Variants in MAGI1 observed in about 807,000 individuals in gnomAD.
The protein encoded by MAGI1 is membrane-associated guanylate kinase, WW and PDZ domain-containing protein 1.
In MAGI1, 58 loss-of-function variants were observed where a neutral mutation model predicts 139.9. That is an observed-to-expected ratio of 0.41 (90% confidence interval 0.34 to 0.52). The LOEUF (loss-of-function observed/expected upper bound fraction) is 0.52. Among genes scored for constraint, MAGI1 ranks in the 20% least tolerant of loss-of-function variants. MAGI1 has a pLI of 0.12. For synonymous variants in MAGI1, 812 were observed against 737.9 expected, an observed-to-expected ratio of 1.10 and a Z score of -1.63; for missense variants, 1,874 against 1,901.6, an observed-to-expected ratio of 0.99 and a Z score of 0.27.
At chr3:65,939,226 T>A (rs1035363641) in intron 1 of MAGI1, among the ~76,000 whole-genome samples, 17 of 152,026 alleles carry the variant, frequency 1.1e-4, no homozygotes, top group Admixed American at 1.3e-4. Flanking sequence ...TTCCCTTTTT[T>A]AAAAAAAATG....
intron 5 of MAGI1, among the ~76,000 whole-genome samples, chr3:65,459,811 C>T (rs1949651984): frequency 6.6e-6 from 1 of 152,078 alleles, no homozygotes; most frequent in African/African-American, 2.4e-5. Context: ...GTAGTCCCAG[C>T]TACTTGGGAG....
At chr3:66,008,450 C>A (rs1324117311) in intron 1 of MAGI1, among the ~76,000 whole-genome samples, 1 of 152,192 alleles carries the variant, frequency 6.6e-6, no homozygotes, top group Admixed American at 6.5e-5. Context: ...CATGTAGGCA[C>A]TATACCTGGC....
At chr3:65,969,318 C>T (rs2107167482) in intron 1 of MAGI1, among the ~76,000 whole-genome samples, 1 of 152,300 alleles carries the variant, frequency 6.6e-6, no homozygotes, top group Middle Eastern at 3.4e-3. Flanking sequence ...TTTGGAAGTA[C>T]TGGCATTTTG....
At chr3:65,762,915 G>C (rs1379931012) in intron 1 of MAGI1, among the ~76,000 whole-genome samples, 3 of 152,136 alleles carry the variant, frequency 2.0e-5, no homozygotes, top group Non-Finnish European at 4.4e-5. Flanking sequence ...CTAAATGCAG[G>C]CACAACTTTA....
chr3:65,770,172 G>A lies in MAGI1; in HGVS notation c.314-148084C>T, dbSNP rs142014782. Among the ~76,000 whole-genome samples the A allele has an allele frequency of 1.1e-4, 16 of 152,218 alleles. No individual in the cohort carries two copies. The East Asian group carries it at 2.7e-3, about 26-fold the overall frequency. ...GAGTTTATTTTAGACTCCTGCCTGC[G>A]GAAATACAACCAGTGTGTCAAGGCC... On this transcript the variant is annotated intron_variant, in intron 1 of 22. Transcript: ENST00000402939.
chr3:65,721,527 G>A (rs2033021002), intron 1 of MAGI1, among the ~76,000 whole-genome samples: 1 of 152,200 alleles, frequency 6.6e-6, no homozygotes, highest in South Asian at 2.1e-4. Flanking sequence ...ATATGCTAAT[G>A]TAGGCTTAAG....
chr3:65,784,196 A>T (rs1399651041), intron 1 of MAGI1, among the ~76,000 whole-genome samples: 1 of 152,184 alleles, frequency 6.6e-6, no homozygotes, highest in South Asian at 2.1e-4. Flanking sequence ...GCTGGTAGGA[A>T]TGCAAAATAG....
chr3:65,420,692 C>T (rs1019638890), intron 12 of MAGI1, among the ~76,000 whole-genome samples: 5 of 152,174 alleles, frequency 3.3e-5, no homozygotes, highest in Non-Finnish European at 7.3e-5. Flanking sequence ...AATAATTCTA[C>T]AGCCTGCCAG....
At chr3:65,918,813 A>T (rs1335336395) in intron 1 of MAGI1, among the ~76,000 whole-genome samples, 1 of 152,212 alleles carries the variant, frequency 6.6e-6, no homozygotes, top group Non-Finnish European at 1.5e-5. Context: ...TTCTCTTCAA[A>T]TTATCCCTAC....
At chr3:65,662,434 C>A (rs1426637322) in intron 1 of MAGI1, among the ~76,000 whole-genome samples, 1 of 152,212 alleles carries the variant, frequency 6.6e-6, no homozygotes, top group African/African-American at 2.4e-5. Context: ...TGTGTGAATG[C>A]AGCTATGGAC....
At chr3:65,670,386 T>A (rs1338593470) in intron 1 of MAGI1, among the ~76,000 whole-genome samples, 1 of 152,022 alleles carries the variant, frequency 6.6e-6, no homozygotes, top group East Asian at 1.9e-4. Flanking sequence ...GGCTTCATTA[T>A]TGCCAACATT....
At chr3:65,648,915 C>G (rs1306899586) in intron 1 of MAGI1, among the ~76,000 whole-genome samples, 1 of 152,098 alleles carries the variant, frequency 6.6e-6, no homozygotes, top group Non-Finnish European at 1.5e-5. Flanking sequence ...ATATGCCCAA[C>G]TGATTTTTCA....
intron 1 of MAGI1, among the ~76,000 whole-genome samples, chr3:65,663,762 C>A (rs1156240888): frequency 6.6e-6 from 1 of 152,114 alleles, no homozygotes; most frequent in East Asian, 1.9e-4. Context: ...TCCTTGTGCA[C>A]TGTAAGATGT....
intron 1 of MAGI1, among the ~76,000 whole-genome samples, chr3:65,999,705 T>C (rs902764059): frequency 9.9e-5 from 15 of 152,096 alleles, no homozygotes; most frequent in African/African-American, 1.4e-4. Flanking sequence ...TAAGCCACAA[T>C]AGGACACACC....
chr3:65,478,724 T>G lies in MAGI1; in HGVS notation c.625A>C (p.Ser209Arg). ...GKVITTDALH[S>R]LQSGSKQSTP... ...GACTGCTTAGAGCCAGACTGAAGGC[T>G]GTGCAAGGCATCCGTCGTGATCACT... The change falls in exon 4 of 23, where the codon AGC becomes CGC. Residue 209 changes from serine to arginine, a missense_variant. Physicochemically the swap from Ser to Arg is moderately radical, Grantham distance 110. Around this residue, in one of 5 missense-constraint regions of MAGI1, gnomAD observed 648 missense variants for 598.1 expected, o/e 1.08. Transcript: ENST00000402939. 1 of 1,614,134 alleles carries G rather than the reference T, an allele frequency of 6.2e-7. No individual in the cohort carries two copies. The highest frequency in any genetic ancestry group is 8.5e-7 in the Non-Finnish European group (1 of 1,180,000).
intron 1 of MAGI1, among the ~76,000 whole-genome samples, chr3:65,926,792 C>G (rs901506613): frequency 1.3e-4 from 20 of 152,132 alleles, no homozygotes; most frequent in Admixed American, 1.3e-4. Context: ...ATCAGGAGTT[C>G]AAGACCAGCC....
chr3:65,478,917 C>G, intron 3 of MAGI1, 119 bp from the exon 4 acceptor site: 1 of 731,488 alleles, frequency 1.4e-6, no homozygotes, highest in Non-Finnish European at 2.3e-6. Flanking sequence ...AAAACCAGAA[C>G]AAACTGTATT....
chr3:65,666,793 C>A (rs1327988481), intron 1 of MAGI1, among the ~76,000 whole-genome samples: 2 of 152,164 alleles, frequency 1.3e-5, no homozygotes, highest in African/African-American at 4.8e-5. Context: ...TTCTCCAGTG[C>A]AAGGATTCAT....
intron 10 of MAGI1, among the ~76,000 whole-genome samples, chr3:65,435,196 T>C (rs1210985999): frequency 6.6e-6 from 1 of 151,264 alleles, no homozygotes; most frequent in Non-Finnish European, 1.5e-5. Flanking sequence ...GAAGAACCAG[T>C]GGATGTCTTA....
Sources: gnomAD v4.1 joint callset for allele counts (sites outside exome capture counted in the v4.1 genomes callset) on GRCh38, gnomAD v4.1.1 for gene constraint, gnomAD v4.1.1 regional missense constraint, MANE v1.5 for transcripts, NCBI Gene and HGNC (gene_info 2026-07-23, HGNC 2026-07-21) for gene names.